PCDHA13: variants seen among roughly 807,000 people sequenced by gnomAD.
PCDHA13 encodes the protein protocadherin alpha 13.
A neutral mutation model predicts 64.8 loss-of-function variants in PCDHA13; 54 were observed. That is an observed-to-expected ratio of 0.83 (90% CI 0.67 to 1.04). PCDHA13 has a LOEUF of 1.04. Ranked by LOEUF, PCDHA13 falls within the 50% of genes least tolerant of loss-of-function variation. PCDHA13 has a pLI of 0.00. For missense variants in PCDHA13, 1,248 were observed against 1,254.3 expected, an observed-to-expected ratio of 0.99 and a Z score of 0.08; for synonymous variants, 587 against 564.4, an observed-to-expected ratio of 1.04 and a Z score of -0.57.
chr5:140,901,352 G>T (rs1426715966), intron 1 of PCDHA13, among the ~76,000 whole-genome samples: 2 of 152,138 alleles, frequency 1.3e-5, no homozygotes, highest in East Asian at 3.8e-4. Flanking sequence ...TGATGTCTTA[G>T]ATTTAAGTCT....
intron 1 of PCDHA13, chr5:140,966,716 G>T: frequency 1.4e-6 from 2 of 1,394,682 alleles, no homozygotes; most frequent in Non-Finnish European, 9.2e-7. Context: ...CACGGCTGGG[G>T]AAGCTGCCGC....
At chr5:140,897,560 T>C (rs1398247980) in intron 1 of PCDHA13, among the ~76,000 whole-genome samples, 1 of 152,200 alleles carries the variant, frequency 6.6e-6, no homozygotes, top group Non-Finnish European at 1.5e-5. Flanking sequence ...GGTGTATATG[T>C]GCCACATTTT....
chr5:140,884,819 A>G (rs782729760), intron 1 of PCDHA13, 157 bp downstream of exon 1: 398 of 1,018,150 alleles, frequency 3.9e-4, no homozygotes, highest in Admixed American at 1.1e-3. Context: ...TGTGGACATT[A>G]TGTGTTGGAT....
chr5:140,895,857 G>C (rs1181424868), intron 1 of PCDHA13, among the ~76,000 whole-genome samples: 1 of 152,116 alleles, frequency 6.6e-6, no homozygotes, highest in Admixed American at 6.5e-5. Flanking sequence ...TGTACCCCAG[G>C]CTGGAGTGCA....
intron 1 of PCDHA13, among the ~76,000 whole-genome samples, chr5:140,898,476 G>A (rs1167001415): frequency 6.6e-6 from 1 of 152,072 alleles, no homozygotes; most frequent in Non-Finnish European, 1.5e-5. Flanking sequence ...TTTTTCTCAG[G>A]TTTGTCAAAG....
chr5:140,896,738 T>C (rs2065731964), intron 1 of PCDHA13, among the ~76,000 whole-genome samples: 2 of 152,180 alleles, frequency 1.3e-5, no homozygotes, highest in African/African-American at 4.8e-5. Context: ...AAGTTCCTTA[T>C]AGATTCTGGA....
At chr5:140,967,143 A>G in intron 1 of PCDHA13, 1 of 1,611,272 alleles carries the variant, frequency 6.2e-7, no homozygotes, top group South Asian at 1.1e-5. Flanking sequence ...GTGCTGGCGC[A>G]CAACCCCGTG....
intron 1 of PCDHA13, among the ~76,000 whole-genome samples, chr5:140,919,795 A>T (rs1554199259): frequency 6.6e-6 from 1 of 152,070 alleles, no homozygotes; most frequent in Non-Finnish European, 1.5e-5. Flanking sequence ...CTTGTGGTGG[A>T]TTGAATTGTG....
chr5:140,996,553 A>G lies in PCDHA13; in HGVS notation c.2543-13074A>G, dbSNP rs868960335. 1.1e-4 allele frequency among the ~76,000 whole-genome samples: 16 copies of G among 152,172 alleles called. No individual in the cohort carries two copies. In the South Asian group the frequency reaches 2.7e-3, roughly 26 times the overall value. On this transcript the variant is annotated intron_variant, in intron 3 of 3. Transcript: ENST00000289272. The stretch of plus-strand genomic sequence containing the variant: ...TGTGTTTTGATATTATGCTGTCACT[A>G]TCTTGAAGTTCTTGATAATTTGTTA...
At chr5:140,926,740 A>G (rs1291119790) in intron 1 of PCDHA13, 2 of 1,186,206 alleles carry the variant, frequency 1.7e-6, no homozygotes, top group Non-Finnish European at 2.2e-6. Context: ...CGGGAGGCGC[A>G]ACGTCGGCGG....
intron 3 of PCDHA13, among the ~76,000 whole-genome samples, chr5:140,983,802 A>G (rs2097069375): frequency 6.6e-6 from 1 of 152,246 alleles, no homozygotes; most frequent in South Asian, 2.1e-4. Context: ...ATGTGTGTGT[A>G]AAAGGTTTTT....
At chr5:140,926,879 C>G in intron 1 of PCDHA13, 1 of 1,534,480 alleles carries the variant, frequency 6.5e-7, no homozygotes, top group Non-Finnish European at 8.8e-7. Flanking sequence ...GGAACGTGGA[C>G]GCCTAGAGGG....
At chr5:140,923,888 G>A (rs575485843) in intron 1 of PCDHA13, among the ~76,000 whole-genome samples, 1 of 152,294 alleles carries the variant, frequency 6.6e-6, no homozygotes, top group Admixed American at 6.5e-5. Context: ...GTGTGAAAGA[G>A]GAGGAGTTTC....
chr5:140,972,820 C>A (rs1247488574), intron 1 of PCDHA13, among the ~76,000 whole-genome samples: 3 of 151,964 alleles, frequency 2.0e-5, no homozygotes, highest in Admixed American at 6.6e-5. Context: ...CGCGCCACCA[C>A]GCCTGGCTAA....
chr5:140,957,826 G>A (rs1282608668), intron 1 of PCDHA13, among the ~76,000 whole-genome samples: 3 of 151,106 alleles, frequency 2.0e-5, no homozygotes, highest in East Asian at 3.9e-4. Flanking sequence ...TTAAGAGAAA[G>A]TGTTAATTGA....
chr5:140,933,494 T>C (rs901456699), intron 1 of PCDHA13, among the ~76,000 whole-genome samples: 3 of 152,110 alleles, frequency 2.0e-5, no homozygotes, highest in Non-Finnish European at 4.4e-5. Context: ...TTCTTTAGAA[T>C]TGTTAAGCAA....
chr5:140,908,270 G>A (rs1554193271), intron 1 of PCDHA13, among the ~76,000 whole-genome samples: 1 of 152,154 alleles, frequency 6.6e-6, no homozygotes, highest in African/African-American at 2.4e-5. Context: ...AACTCCCCAT[G>A]AGGCCATTGT....
intron 1 of PCDHA13, among the ~76,000 whole-genome samples, chr5:140,908,540 G>T (rs1562965244): frequency 6.6e-6 from 1 of 152,150 alleles, no homozygotes; most frequent in African/African-American, 2.4e-5. Flanking sequence ...TTCCACCAAA[G>T]CCCAGTAATA....
At chr5:140,990,792 T>C (rs1554251750) in intron 3 of PCDHA13, among the ~76,000 whole-genome samples, 2 of 152,176 alleles carry the variant, frequency 1.3e-5, no homozygotes, top group African/African-American at 4.8e-5. Flanking sequence ...CGATGAACCA[T>C]GGAATACAGA....
Sources: allele counts gnomAD v4.1 joint callset (sites outside exome capture counted in the v4.1 genomes callset), GRCh38; gene constraint gnomAD v4.1.1; transcripts MANE v1.5; gene names NCBI Gene and HGNC (gene_info 2026-07-23, HGNC 2026-07-21).